CAMSAP1: variants seen among roughly 807,000 people sequenced by gnomAD.
The protein encoded by CAMSAP1 is calmodulin-regulated spectrin-associated protein 1.
In CAMSAP1, 58 loss-of-function variants were observed where a neutral mutation model predicts 143.5. The ratio of observed to expected loss-of-function variants is 0.40; its 90% CI spans 0.33 to 0.50. The LOEUF (loss-of-function observed/expected upper bound fraction) is 0.50. Ranked by LOEUF, CAMSAP1 falls within the 20% of genes least tolerant of loss-of-function variation. CAMSAP1 has a pLI of 0.45. For synonymous variants in CAMSAP1, 945 were observed against 859.3 expected (o/e 1.10, Z -1.74); for missense variants, 1,969 against 2,115.7 (o/e 0.93, Z 1.36).
intron 14 of CAMSAP1, 149 bp from the exon 15 acceptor site, chr9:135,816,154 C>G (rs1484220527): frequency 7.5e-6 from 5 of 663,248 alleles, no homozygotes; most frequent in Non-Finnish European, 1.1e-5. Context: ...GTTGCCACAA[C>G]TCCCACACAG....
chr9:135,818,794 C>T lies in CAMSAP1; in HGVS notation c.3960-178G>A. ...AAAGGCAGTCCTGCAGATGACCCAC[C>T]GAGGCCACACAGCCTCCCTGGCCAC... On this transcript the variant is annotated intron_variant, in intron 12 of 16. Coordinates refer to ENST00000389532, the MANE Select transcript of CAMSAP1 (RefSeq NM_015447.4). This position sits in a 1 kb window ranked among gnomAD's most constrained non-coding sequence, Gnocchi z 7.7. The T allele has an allele frequency of 3.8e-6, 4 of 1,055,598 alleles. No individual in the cohort carries two copies. The South Asian group carries it at 4.9e-5, about 13-fold the overall frequency. 65.4% of individuals were successfully genotyped at this position (1,055,598 alleles called of 1,614,324 possible). A position where few individuals can be genotyped will look rare whatever the true frequency, so the allele number is the denominator to read the frequency against.
chr9:135,903,889 C>G (rs968202004), intron 1 of CAMSAP1, among the ~76,000 whole-genome samples: 1 of 152,168 alleles, frequency 6.6e-6, no homozygotes, highest in Non-Finnish European at 1.5e-5. Flanking sequence ...ACTGTCCTAC[C>G]AAAACCCCCT....
intron 8 of CAMSAP1, among the ~76,000 whole-genome samples, chr9:135,825,771 CAG>C (rs1050967527): frequency 3.3e-5 from 5 of 152,102 alleles, no homozygotes; most frequent in African/African-American, 9.7e-5. Context: ...GGGGAGATCA[CAG>C]GGGACAGCTC....
Position 135,846,007 on chromosome 9 carries a change from A to T in CAMSAP1, c.1045+4130T>A, listed in dbSNP as rs908583477. 1.7e-4 allele frequency among the ~76,000 whole-genome samples: 24 copies of T among 140,200 alleles called. 1 individual carries two copies. The highest frequency in any genetic ancestry group is 6.6e-4 in the East Asian group (3 of 4,550). 92.0% of individuals were successfully genotyped at this position (140,200 alleles called of 152,430 possible). A position where few individuals can be genotyped will look rare whatever the true frequency, so the allele number is the denominator to read the frequency against. On this transcript the variant is annotated intron_variant, in intron 7 of 16. Coordinates refer to ENST00000389532, the MANE Select transcript of CAMSAP1 (RefSeq NM_015447.4). ...CCATTGACTTTCTTCACAGAATTTT[A>T]AAAAAACTACTTTAAATTTCATATG...
rs560498189 is a variant in CAMSAP1 at position 135,883,418 on chromosome 9, G to T, written c.161-340C>A. ...CTAACTTAACAGCAGTAAGAAGGTA[G>T]ACATGGGAGCCCTGAGTGTGTTAAT... On this transcript the variant is annotated intron_variant, in intron 1 of 16. Transcript: ENST00000389532. Among the ~76,000 whole-genome samples the T allele has an allele frequency of 3.8e-4, 58 of 152,276 alleles. No homozygotes were observed. In the South Asian group the frequency reaches 0.012, roughly 31 times the overall value.
rs1837668404 is a variant in CAMSAP1, at chr9:135,874,478, A to AGC, written c.585+7154_585+7155insGC. On this transcript the variant is annotated intron_variant, in intron 3 of 16. Transcript: ENST00000389532. The stretch of plus-strand genomic sequence containing the variant: ...ACAGGGTGAGACCCTGTCTCAAAAA[A>AGC]GGGGGGGGGGGGCCACAGGGGCCGG... Among the ~76,000 whole-genome samples the AGC allele has an allele frequency of 4.1e-5, 4 of 98,230 alleles. 1 individual carries two copies. In the South Asian group the frequency reaches 1.5e-3, roughly 37 times the overall value. The allele number at this position is 98,230 out of a possible 152,430, so 64.4% of individuals were successfully genotyped here. A position where few individuals can be genotyped will look rare whatever the true frequency, so the allele number is the denominator to read the frequency against.
chr9:135,819,149 G>A lies in CAMSAP1; in HGVS notation c.3823-3C>T, dbSNP rs201796160. ...TCATCTTCCGCTTTCTGTTCATCCT[G>A]CAAGACAGAGGCCACACAGAGCATG... On this transcript the variant is annotated splice_polypyrimidine_tract_variant and splice_region_variant and intron_variant, in intron 11 of 16. Coordinates refer to ENST00000389532, the MANE Select transcript of CAMSAP1 (RefSeq NM_015447.4). The A allele has an allele frequency of 1.8e-3, 2,921 of 1,600,038 alleles. 2 individuals are homozygous for A. The highest frequency in any genetic ancestry group is 2.2e-3 in the Middle Eastern group (13 of 6,046).
At chr9:135,839,483 G>A (rs1429271912) in intron 7 of CAMSAP1, among the ~76,000 whole-genome samples, 2 of 152,296 alleles carry the variant, frequency 1.3e-5, no homozygotes, top group Non-Finnish European at 2.9e-5. Context: ...TATCAGTGGA[G>A]GGAGAACATG....
intron 7 of CAMSAP1, among the ~76,000 whole-genome samples, chr9:135,848,576 C>CA (rs1437145245): frequency 2.0e-5 from 3 of 152,126 alleles, no homozygotes; most frequent in Non-Finnish European, 4.4e-5. Context: ...CTGGAAAACA[C>CA]AGTGGAGCTC....
chr9:135,874,486 G>GC, intron 3 of CAMSAP1, among the ~76,000 whole-genome samples: 1 of 149,222 alleles, frequency 6.7e-6, no homozygotes. Context: ...AAAGGGGGGG[G>GC]GGGGCCACAG....
chr9:135,899,928 T>C (rs1362607754), intron 1 of CAMSAP1, among the ~76,000 whole-genome samples: 2 of 152,214 alleles, frequency 1.3e-5, no homozygotes, highest in East Asian at 3.8e-4. Flanking sequence ...CCCGTCATTA[T>C]GGGTCTCTGT....
Position 135,809,642 on chromosome 9 carries a change from TATC to T in CAMSAP1, c.*1664_*1666del, listed in dbSNP as rs1188598547. 1 of 152,620 alleles carries T rather than the reference TATC, an allele frequency of 6.6e-6. No homozygotes were observed. The highest frequency in any genetic ancestry group is 6.5e-5 in the Admixed American group (1 of 15,274). The allele number at this position is 152,620 out of a possible 1,614,324, so 9.5% of individuals were successfully genotyped here. A position where few individuals can be genotyped will look rare whatever the true frequency, so the allele number is the denominator to read the frequency against. ...TGCTTTCTTAAAATAAATACAGTAA[TATC>T]ATATCAAACATACAGTGAGAAATAA... On this transcript the variant is annotated 3_prime_UTR_variant, in exon 17 of 17. Coordinates refer to ENST00000389532, the MANE Select transcript of CAMSAP1 (RefSeq NM_015447.4).
intron 7 of CAMSAP1, chr9:135,849,901 T>A (rs1836712428): frequency 5.1e-6 from 2 of 390,270 alleles, no homozygotes; most frequent in Non-Finnish European, 9.2e-6. Flanking sequence ...AGAACAGCCA[T>A]CCTGGAACTT....
rs900661756 is a variant in CAMSAP1, at chr9:135,878,881, G to A, written c.585+2752C>T. Among the ~76,000 whole-genome samples, 4 of 152,250 alleles carry A rather than the reference G, an allele frequency of 2.6e-5. 1 individual carries two copies. The highest frequency in any genetic ancestry group is 2.6e-4 in the Admixed American group (4 of 15,292). ...TTCATATGGAAATGGCAAGAAAACAGTAAAATATGGAAAACACTGAATACA... is the reference window on the plus strand; with the variant it reads ...TTCATATGGAAATGGCAAGAAAACAATAAAATATGGAAAACACTGAATACA... On this transcript the variant is annotated intron_variant, in intron 3 of 16. Coordinates refer to ENST00000389532, the MANE Select transcript of CAMSAP1 (RefSeq NM_015447.4).
At chr9:135,861,324 T>C (rs796768973) in intron 5 of CAMSAP1, among the ~76,000 whole-genome samples, 3,366 of 130,012 alleles carry the variant, frequency 0.026, 39 homozygotes, top group East Asian at 0.058. Flanking sequence ...TTTTTTTTTT[T>C]CCCCCCGAGA....
intron 7 of CAMSAP1, among the ~76,000 whole-genome samples, chr9:135,835,677 G>A (rs1836001929): frequency 6.6e-6 from 1 of 152,170 alleles, no homozygotes; most frequent in Non-Finnish European, 1.5e-5. Flanking sequence ...ACACCCTAGT[G>A]GCATAAAAAT....
chr9:135,881,800 G>A lies in CAMSAP1; in HGVS notation c.424-6C>T. 2 of 1,551,832 alleles carry A rather than the reference G, an allele frequency of 1.3e-6. No individual in the cohort carries two copies. Among genetic ancestry groups the A allele is most frequent in the Non-Finnish European group, 8.7e-7 (1 of 1,146,952 alleles). ...ACCATTGCCATGTGGGCACTCTAGG[G>A]GCAGAGGCAGCAGCTATAATCCCTC... On this transcript the variant is annotated splice_polypyrimidine_tract_variant and splice_region_variant and intron_variant, in intron 2 of 16. Coordinates refer to ENST00000389532, the MANE Select transcript of CAMSAP1 (RefSeq NM_015447.4).
chr9:135,881,506 C>T, intron 3 of CAMSAP1, 127 bp downstream of exon 3: 2 of 1,122,502 alleles, frequency 1.8e-6, no homozygotes, highest in East Asian at 5.2e-5. Flanking sequence ...TTTCTGGACA[C>T]AAAATATGAC....
Position 135,818,214 on chromosome 9 carries a change from G to T in CAMSAP1, c.4169-135C>A. On this transcript the variant is annotated intron_variant, in intron 13 of 16. Transcript: ENST00000389532. The surrounding 1 kb of genome is among the most constrained non-coding windows in gnomAD (Gnocchi z 7.7). ...CCGCGTCCCCACCCCATCCCGGGGAGCCGGGCTGCGCCTGGATGTGCCGCA... is the reference window on the plus strand; with the variant it reads ...CCGCGTCCCCACCCCATCCCGGGGATCCGGGCTGCGCCTGGATGTGCCGCA... 2 of 1,129,558 alleles carry T rather than the reference G, an allele frequency of 1.8e-6. No individual in the cohort carries two copies. The highest frequency in any genetic ancestry group is 2.5e-6 in the Non-Finnish European group (2 of 798,654). 70.0% of individuals were successfully genotyped at this position (1,129,558 alleles called of 1,614,324 possible).
Sources: allele counts gnomAD v4.1 joint callset (sites outside exome capture counted in the v4.1 genomes callset), GRCh38; gene constraint gnomAD v4.1.1; non-coding constraint Gnocchi (gnomAD v3.1); transcripts MANE v1.5; gene names NCBI Gene and HGNC (gene_info 2026-07-23, HGNC 2026-07-21).